Variants in ARHGAP29 observed in about 807,000 individuals in gnomAD.
The protein encoded by ARHGAP29 is Rho GTPase activating protein 29, also known as rho GTPase-activating protein 29.
ARHGAP29 carries 43 observed loss-of-function variants against 122.6 expected under a neutral mutation model. That is an observed-to-expected ratio of 0.35 (90% confidence interval 0.27 to 0.45). ARHGAP29 has a LOEUF of 0.45. Ranked by LOEUF, ARHGAP29 falls within the 20% of genes least tolerant of loss-of-function variation. The pLI, the probability that ARHGAP29 is intolerant of heterozygous loss-of-function variation, is 1.00. For synonymous variants in ARHGAP29, 506 were observed against 497.1 expected (o/e 1.02, Z -0.24); for missense variants, 1,303 against 1,477.2 (o/e 0.88, Z 1.93).
At chr1:94,283,743 G>T in the ARHGAP29 span, among the ~76,000 whole-genome samples, 26 of 152,112 alleles carry the variant, frequency 1.7e-4, no homozygotes, top group African/African-American at 6.3e-4. Flanking sequence ...AGCAGAAAAT[G>T]GTATGAAGTT....
rs984419186 is a variant in ARHGAP29, at chr1:94,255,137, G to C, written c.-33+19875C>G. ...TCAGAATGTAACTATATTGGACATA[G>C]GGGCTTCAAATGGGGTACTTCAATT... is the stretch of plus-strand genomic sequence containing the variant. On this transcript the variant is annotated intron_variant and NMD_transcript_variant, in intron 1 of 25. Transcript: ENST00000552844. Among the ~76,000 whole-genome samples the C allele has an allele frequency of 6.6e-5, 10 of 152,296 alleles. No individual in the cohort carries two copies. The East Asian group carries it at 1.9e-3, about 29-fold the overall frequency.
upstream of ARHGAP29, among the ~76,000 whole-genome samples, chr1:94,240,954 T>TA (rs202159310): frequency 9.7e-4 from 147 of 152,296 alleles, no homozygotes; most frequent in African/African-American, 3.3e-3. Flanking sequence ...AACATGGGTC[T>TA]AAAAACATTT....
intron 19 of ARHGAP29, among the ~76,000 whole-genome samples, chr1:94,181,236 A>G (rs1649438574): frequency 6.6e-6 from 1 of 152,222 alleles, no homozygotes; most frequent in Non-Finnish European, 1.5e-5. Context: ...AGGGACTGTC[A>G]GCACTAGGTC....
intron 2 of ARHGAP29, among the ~76,000 whole-genome samples, chr1:94,228,947 C>T (rs1468333794): frequency 6.6e-6 from 1 of 151,782 alleles, no homozygotes. Context: ...TATCTACATT[C>T]TTTATTCTTA....
the ARHGAP29 span, among the ~76,000 whole-genome samples, chr1:94,293,446 T>TGACACC: frequency 6.6e-6 from 1 of 152,168 alleles, no homozygotes; most frequent in Non-Finnish European, 1.5e-5. Context: ...CTGGGTGAGG[T>TGACACC]GACACCCTGT....
At chr1:94,224,120 C>T (rs1382382762) in intron 2 of ARHGAP29, among the ~76,000 whole-genome samples, 1 of 152,102 alleles carries the variant, frequency 6.6e-6, no homozygotes, top group East Asian at 1.9e-4. Flanking sequence ...ATAAAACCTT[C>T]CTGATGTGCT....
intron 3 of ARHGAP29, among the ~76,000 whole-genome samples, 194 bp from the exon 4 acceptor site, chr1:94,209,544 CATAAAAGCAGTTAGCAT>C (rs1445324996): frequency 1.3e-5 from 2 of 152,090 alleles, no homozygotes; most frequent in Admixed American, 1.3e-4. Context: ...AATCAGCTTG[CATAAAAGCAGTTAGCAT>C]TCCAAACTGA....
At chr1:94,287,839 T>G in the ARHGAP29 span, among the ~76,000 whole-genome samples, 1 of 152,346 alleles carries the variant, frequency 6.6e-6, no homozygotes, top group Admixed American at 6.5e-5. Context: ...ACTCATCCTT[T>G]TTTTATGGCT....
chr1:94,209,352 T>G lies in ARHGAP29; in HGVS notation c.341-2A>C, dbSNP rs1570543415. 1 of 1,592,942 alleles carries G rather than the reference T, an allele frequency of 6.3e-7. No homozygotes were observed. Among genetic ancestry groups the G allele is most frequent in the Non-Finnish European group, 8.5e-7 (1 of 1,172,434 alleles). On this transcript the variant is annotated splice_acceptor_variant, in intron 3 of 22. Transcript: ENST00000260526. LOFTEE classifies it high-confidence loss of function. ...CATTAACTTCTGTGAAGTTCACAGC[T>G]GTAAGGAAAAGTTGGTTACAATAAG... is the stretch of plus-strand genomic sequence containing the variant.
intron 12 of ARHGAP29, chr1:94,195,275 T>C (rs1465854001): frequency 6.6e-6 from 1 of 152,196 alleles, no homozygotes; most frequent in African/African-American, 2.4e-5. Context: ...ATTGGACCCA[T>C]GGGCCAGGCA....
chr1:94,183,190 G>A (rs1649584684), intron 19 of ARHGAP29, among the ~76,000 whole-genome samples: 1 of 105,374 alleles, frequency 9.5e-6, no homozygotes, highest in South Asian at 4.2e-4. Flanking sequence ...GTTATTATAT[G>A]TCAATTAAAA....
At chr1:94,311,425 G>T in the ARHGAP29 span, among the ~76,000 whole-genome samples, 1 of 152,152 alleles carries the variant, frequency 6.6e-6, no homozygotes, top group Admixed American at 6.5e-5. Context: ...TGGAGAGAAC[G>T]TGCCCTCGAC....
At chr1:94,284,194 G>C in the ARHGAP29 span, among the ~76,000 whole-genome samples, 5,609 of 151,962 alleles carry the variant, frequency 0.037, 151 homozygotes, top group South Asian at 0.1. Flanking sequence ...TTACTTTACT[G>C]TTAAGTGTTT....
intron 1 of ARHGAP29, among the ~76,000 whole-genome samples, chr1:94,235,721 G>A (rs1209656834): frequency 6.6e-6 from 1 of 152,158 alleles, no homozygotes; most frequent in Non-Finnish European, 1.5e-5. Context: ...TTAAAAACAT[G>A]TATTATCCAC....
intron 13 of ARHGAP29, among the ~76,000 whole-genome samples, chr1:94,189,634 A>C (rs1000455030): frequency 2.0e-5 from 3 of 152,154 alleles, no homozygotes; most frequent in Non-Finnish European, 4.4e-5. Flanking sequence ...TGTGAAAAAC[A>C]TAGGTTAAAT....
intron 12 of ARHGAP29, chr1:94,193,828 G>A (rs1650275398): frequency 1.3e-5 from 2 of 152,220 alleles, no homozygotes; most frequent in African/African-American, 4.8e-5. Context: ...CCAGAGGAAA[G>A]ATGGAACCAC....
chr1:94,269,473 A>C (rs555144553), intron 1 of ARHGAP29, among the ~76,000 whole-genome samples: 1 of 152,326 alleles, frequency 6.6e-6, no homozygotes, highest in East Asian at 1.9e-4. Context: ...ACCCTGAGAC[A>C]GTCAGGTTTT....
At chr1:94,176,769 G>A (rs1300063808) in intron 22 of ARHGAP29, 1 of 151,760 alleles carries the variant, frequency 6.6e-6, no homozygotes, top group Non-Finnish European at 1.5e-5. Context: ...CACCACACCT[G>A]GCTAATTTTT....
At chr1:94,250,150 T>C (rs1370580581) in intron 1 of ARHGAP29, among the ~76,000 whole-genome samples, 1 of 152,148 alleles carries the variant, frequency 6.6e-6, no homozygotes, top group Non-Finnish European at 1.5e-5. Flanking sequence ...GTGTGCATGT[T>C]CCATGTGGGT....
Sources: allele counts gnomAD v4.1 joint callset (sites outside exome capture counted in the v4.1 genomes callset), GRCh38; gene constraint gnomAD v4.1.1; transcripts MANE v1.5; gene names NCBI Gene and HGNC (gene_info 2026-07-23, HGNC 2026-07-21).